Variants in CACNA1C observed in about 807,000 individuals in gnomAD.
CACNA1C encodes voltage-dependent L-type calcium channel subunit alpha-1C.
In CACNA1C, 30 loss-of-function variants were observed where a neutral mutation model predicts 229.0. That is an observed-to-expected ratio of 0.13 (90% confidence interval 0.10 to 0.18). The LOEUF is 0.18. Among genes scored for constraint, CACNA1C ranks in the 10% least tolerant of loss-of-function variants. The pLI is 1.00. For synonymous variants in CACNA1C, 1,114 were observed against 1,132.5 expected (o/e 0.98, Z 0.33); for missense variants, 1,658 against 2,845.0 (o/e 0.58, Z 9.49).
At chr12:2,002,001 T>C (rs2042295015) in intron 1 of CACNA1C, among the ~76,000 whole-genome samples, 1 of 152,200 alleles carries the variant, frequency 6.6e-6, no homozygotes, top group Non-Finnish European at 1.5e-5. Context: ...TATTAATATT[T>C]TGGAGGCGGG....
intron 7 of CACNA1C, among the ~76,000 whole-genome samples, chr12:2,497,160 G>A (rs1341288188): frequency 6.6e-6 from 1 of 152,180 alleles, no homozygotes; most frequent in East Asian, 1.9e-4. Context: ...AGTCTGCTGG[G>A]TCAGCCTCCT....
Position 2,486,066 on chromosome 12 carries a change from G to A in CACNA1C, c.758-38G>A, listed in dbSNP as rs148596266. Reference sequence around the variant, plus strand: ...TGAGATGGCGTCAGCACGGTACCGCGGTGATGCTTGGTTCAGTGAGTGGCT... The same window carrying A: ...TGAGATGGCGTCAGCACGGTACCGCAGTGATGCTTGGTTCAGTGAGTGGCT... On this transcript the variant is annotated intron_variant, in intron 5 of 46. Transcript: ENST00000399655. The surrounding 1 kb of genome is among the most constrained non-coding windows in gnomAD (Gnocchi z 4.9). 12,968 of 1,550,652 alleles carry A rather than the reference G, an allele frequency of 8.4e-3. 79 individuals carry two copies. The highest frequency in any genetic ancestry group is 9.6e-3 in the Non-Finnish European group (10,974 of 1,143,412).
intron 7 of CACNA1C, among the ~76,000 whole-genome samples, chr12:2,500,375 G>A (rs1029514273): frequency 2.6e-5 from 4 of 152,206 alleles, no homozygotes; most frequent in Non-Finnish European, 4.4e-5. Context: ...CTAAGCTCGG[G>A]CCTTAGGAAA....
intron 13 of CACNA1C, among the ~76,000 whole-genome samples, chr12:2,571,925 C>G (rs1389283110): frequency 6.6e-6 from 1 of 152,032 alleles, no homozygotes; most frequent in Non-Finnish European, 1.5e-5. Flanking sequence ...TGAAATGGGT[C>G]ATCTGTGCAT....
At chr12:2,125,199 G>T (rs2089477722) in intron 3 of CACNA1C, among the ~76,000 whole-genome samples, 1 of 152,140 alleles carries the variant, frequency 6.6e-6, no homozygotes, top group Non-Finnish European at 1.5e-5. Context: ...GAGAGTTTAA[G>T]ATATTCAAGA....
chr12:2,038,708 C>T (rs886928895), intron 1 of CACNA1C, among the ~76,000 whole-genome samples: 11 of 152,158 alleles, frequency 7.2e-5, no homozygotes, highest in Admixed American at 7.2e-4. Flanking sequence ...GCAGCTTTGA[C>T]ATGTGACAAC....
rs554159772 is a variant in CACNA1C at position 2,267,454 on chromosome 12, G to T, written c.477+147024G>T. On this transcript the variant is annotated intron_variant, in intron 3 of 46. Transcript: ENST00000399655. ...GCCTCCTTGGAAGCTTGGGAAAAGG[G>T]TGTGGGCAGGACTGGGCAGGGAGGA... 2.4e-4 allele frequency among the ~76,000 whole-genome samples: 37 copies of T among 152,260 alleles called. 1 individual carries two copies. In the South Asian group the frequency reaches 4.8e-3, roughly 20 times the overall value.
Position 2,609,985 on chromosome 12 carries a change from C to T in CACNA1C, c.3559-556C>T, listed in dbSNP as rs187903083. 5.9e-5 allele frequency among the ~76,000 whole-genome samples: 9 copies of T among 152,142 alleles called. No homozygotes were observed. In the East Asian group the frequency reaches 1.6e-3, roughly 26 times the overall value. ...CTAAAAATACAAAAAATTAGCTGGG[C>T]GTTGTGGCGTGTGCCTGTAATCACA... On this transcript the variant is annotated intron_variant, in intron 27 of 46. Transcript: ENST00000399655.
intron 3 of CACNA1C, among the ~76,000 whole-genome samples, chr12:2,129,847 C>G (rs917199471): frequency 2.0e-5 from 3 of 150,932 alleles, no homozygotes; most frequent in Non-Finnish European, 2.9e-5. Flanking sequence ...TTAATTTGCT[C>G]CCCCCTCTCT....
chr12:2,346,486 G>A lies in CACNA1C; in HGVS notation c.478-102490G>A, dbSNP rs992968954. On this transcript the variant is annotated intron_variant, in intron 3 of 46. Coordinates refer to ENST00000399655, the MANE Select transcript of CACNA1C (RefSeq NM_000719.7). This position sits in a 1 kb window ranked among gnomAD's most constrained non-coding sequence, Gnocchi z 4.4. Reference sequence around the variant, plus strand: ...ATGTTTTTGCTGTCCAGGGCTTTGGGACAATGGGCTTGCTATGTTTTAAAT... The same window carrying A: ...ATGTTTTTGCTGTCCAGGGCTTTGGAACAATGGGCTTGCTATGTTTTAAAT... Among the ~76,000 whole-genome samples the A allele has an allele frequency of 5.3e-5, 8 of 152,152 alleles. No individual in the cohort carries two copies. Among genetic ancestry groups the A allele is most frequent in the Admixed American group, 2.0e-4 (3 of 15,280 alleles).
Position 2,115,218 on chromosome 12 carries a change from C to T in CACNA1C, c.50-6C>T, listed in dbSNP as rs2083373656. The T allele has an allele frequency of 6.5e-7, 1 of 1,542,176 alleles. No individual in the cohort carries two copies. Among genetic ancestry groups the T allele is most frequent in the Non-Finnish European group, 8.7e-7 (1 of 1,142,890 alleles). On this transcript the variant is annotated splice_region_variant and splice_polypyrimidine_tract_variant and intron_variant, in intron 1 of 46. Transcript: ENST00000399655. ...AACTGTTGTGTTCTTTTCTCTTTTG[C>T]CACAGGTTCCAACTATGGGAGCCCA... is the stretch of plus-strand genomic sequence containing the variant.
chr12:2,135,807 G>C (rs2093357323), intron 3 of CACNA1C, among the ~76,000 whole-genome samples: 2 of 146,674 alleles, frequency 1.4e-5, no homozygotes, highest in Admixed American at 6.7e-5. Flanking sequence ...GAGGCAGGCA[G>C]GCCTCCTTGA....
intron 1 of CACNA1C, among the ~76,000 whole-genome samples, chr12:1,974,250 C>T (rs1466701771): frequency 6.6e-6 from 1 of 152,130 alleles, no homozygotes; most frequent in African/African-American, 2.4e-5. Flanking sequence ...ACTAGATATG[C>T]TAGAATTCTC....
intron 30 of CACNA1C, among the ~76,000 whole-genome samples, chr12:2,638,257 G>A (rs1481006564): frequency 3.9e-5 from 6 of 152,214 alleles, no homozygotes; most frequent in African/African-American, 1.2e-4. Flanking sequence ...AGTGATGGCA[G>A]GCATTGGTTT....
chr12:2,220,969 C>G (rs1282992639), intron 3 of CACNA1C: 1 of 152,192 alleles, frequency 6.6e-6, no homozygotes. Flanking sequence ...GAGAAACAAG[C>G]AGAGTTTTGT....
At chr12:2,613,194 C>T (rs1406734315) in intron 29 of CACNA1C, 2 of 152,192 alleles carry the variant, frequency 1.3e-5, no homozygotes, top group Non-Finnish European at 2.9e-5. Flanking sequence ...ACTTTGGATT[C>T]CATATCATGT....
intron 9 of CACNA1C, among the ~76,000 whole-genome samples, chr12:2,541,880 C>T (rs868130890): frequency 6.6e-6 from 1 of 152,212 alleles, no homozygotes; most frequent in Non-Finnish European, 1.5e-5. Flanking sequence ...ATCCATCCCT[C>T]ATTCTCTCAT....
intron 5 of CACNA1C, among the ~76,000 whole-genome samples, chr12:2,483,486 G>A (rs1003902356): frequency 6.6e-6 from 1 of 152,166 alleles, no homozygotes; most frequent in Admixed American, 6.5e-5. Context: ...TCTCCTGGGG[G>A]CAGGACAATG....
At chr12:1,999,060 A>C (rs147164155) in intron 1 of CACNA1C, among the ~76,000 whole-genome samples, 27 of 152,364 alleles carry the variant, frequency 1.8e-4, no homozygotes, top group African/African-American at 6.3e-4. Flanking sequence ...TGGGTCTCAA[A>C]GTGTTATCCC....
Sources: allele counts gnomAD v4.1 joint callset (sites outside exome capture counted in the v4.1 genomes callset), GRCh38; gene constraint gnomAD v4.1.1; non-coding constraint Gnocchi (gnomAD v3.1); transcripts MANE v1.5; gene names NCBI Gene and HGNC (gene_info 2026-07-23, HGNC 2026-07-21).